Variants in RAB3GAP2 observed in about 807,000 individuals in gnomAD.
RAB3GAP2 encodes the protein RAB3 GTPase activating non-catalytic protein subunit 2.
A neutral mutation model predicts 185.3 loss-of-function variants in RAB3GAP2; 87 were observed. The ratio of observed to expected loss-of-function variants is 0.47; its 90% CI spans 0.39 to 0.56. The LOEUF (loss-of-function observed/expected upper bound fraction) is 0.56. Among genes scored for constraint, RAB3GAP2 ranks in the 20% least tolerant of loss-of-function variants. The probability of loss-of-function intolerance (pLI) is 0.00; values close to 1 mark genes in which losing one functional copy is unlikely to be tolerated. For synonymous variants in RAB3GAP2, 554 were observed against 576.1 expected (o/e 0.96, Z 0.55); for missense variants, 1,492 against 1,638.2 (o/e 0.91, Z 1.54).
At chr1:220,230,538 A>G (rs1040786271) in intron 2 of RAB3GAP2, among the ~76,000 whole-genome samples, 3 of 152,146 alleles carry the variant, frequency 2.0e-5, no homozygotes, top group African/African-American at 7.2e-5. Flanking sequence ...CCTGTTCTTA[A>G]TCTCCTCATG....
At chr1:220,220,861 C>T (rs190207749) in intron 2 of RAB3GAP2, among the ~76,000 whole-genome samples, 15 of 152,290 alleles carry the variant, frequency 9.8e-5, no homozygotes, top group Non-Finnish European at 1.8e-4. Flanking sequence ...TCCCCAGCCA[C>T]GTGGAAGTGT....
At chr1:220,201,593 G>A (rs1312554400) in intron 9 of RAB3GAP2, among the ~76,000 whole-genome samples, 1 of 151,988 alleles carries the variant, frequency 6.6e-6, no homozygotes, top group Non-Finnish European at 1.5e-5. Context: ...TCCACCTCCC[G>A]GGTTCAGGCA....
At chr1:220,153,870 C>A in intron 32 of RAB3GAP2, 98 bp downstream of exon 32, 3 of 1,528,400 alleles carry the variant, frequency 2.0e-6, no homozygotes, top group Non-Finnish European at 2.7e-6. Flanking sequence ...TCTGTCCTTG[C>A]GATAGAAAGT....
intron 32 of RAB3GAP2, 147 bp from the exon 33 acceptor site, chr1:220,153,553 C>T (rs1329225648): frequency 3.0e-6 from 2 of 675,080 alleles, no homozygotes; most frequent in African/African-American, 3.6e-5. Context: ...ATCATTTAAA[C>T]AACTAGCTCT....
At chr1:220,170,829 A>G (rs924277893) in intron 24 of RAB3GAP2, 63 bp downstream of exon 24, 1 of 1,360,672 alleles carries the variant, frequency 7.3e-7, no homozygotes, top group African/African-American at 1.4e-5. Context: ...CGTCATTTCT[A>G]TTAAAAGAAA....
intron 1 of RAB3GAP2, 78 bp downstream of exon 1, chr1:220,272,145 G>T: frequency 1.6e-6 from 2 of 1,232,410 alleles, no homozygotes; most frequent in Non-Finnish European, 2.3e-6. Flanking sequence ...GAGGCGCAGA[G>T]CGAGTAGGAG....
chr1:220,185,523 T>C (rs1271002160), intron 18 of RAB3GAP2, 128 bp downstream of exon 18: 1 of 661,052 alleles, frequency 1.5e-6, no homozygotes, highest in Non-Finnish European at 2.6e-6. Context: ...AGATTCTTAA[T>C]TTCTTATATC....
intron 2 of RAB3GAP2, among the ~76,000 whole-genome samples, chr1:220,225,073 A>T (rs569566048): frequency 6.6e-6 from 1 of 152,352 alleles, no homozygotes; most frequent in African/African-American, 2.4e-5. Flanking sequence ...TAAGGAGCGC[A>T]GATTTGAACT....
chr1:220,247,979 G>A (rs1056486902), intron 1 of RAB3GAP2, among the ~76,000 whole-genome samples: 1 of 151,668 alleles, frequency 6.6e-6, no homozygotes, highest in Admixed American at 6.6e-5. Context: ...AGAAGTAAAT[G>A]TAAACAAAAA....
rs947937067 is a variant in RAB3GAP2, at chr1:220,202,517, G to A, written c.713-143C>T. 7 of 845,824 alleles carry A rather than the reference G, an allele frequency of 8.3e-6. No homozygotes were observed. In the Admixed American group the frequency reaches 1.3e-4, roughly 16 times the overall value. 52.4% of individuals were successfully genotyped at this position (845,824 alleles called of 1,614,324 possible). A position where few individuals can be genotyped will look rare whatever the true frequency, so the allele number is the denominator to read the frequency against. ...GTAATGAAAACAAGGCATAAGGTGA[G>A]ATTTATTCACACCAAGACAATGCAC... On this transcript the variant is annotated intron_variant, in intron 8 of 34. Transcript: ENST00000358951.
intron 1 of RAB3GAP2, among the ~76,000 whole-genome samples, chr1:220,251,113 T>C (rs140793357): frequency 6.6e-6 from 1 of 152,338 alleles, no homozygotes; most frequent in East Asian, 1.9e-4. Context: ...GTTAACATGG[T>C]AAAAACAGCA....
chr1:220,150,981 TAA>T lies in RAB3GAP2; in HGVS notation c.*268_*269del, dbSNP rs1657741398. ...AGCAAAGTTTAACAATAAAGCTACTTAAGTGTTTGAATTAGAAATAAACAGTA... is the reference window on the plus strand; with the variant it reads ...AGCAAAGTTTAACAATAAAGCTACTTGTGTTTGAATTAGAAATAAACAGTA... On this transcript the variant is annotated 3_prime_UTR_variant, in exon 35 of 35. Transcript: ENST00000358951. 2 of 407,272 alleles carry T rather than the reference TAA, an allele frequency of 4.9e-6. No homozygotes were observed. The allele number at this position is 407,272 out of a possible 1,614,324, so 25.2% of individuals were successfully genotyped here. A position where few individuals can be genotyped will look rare whatever the true frequency, so the allele number is the denominator to read the frequency against.
At chr1:220,254,298 C>T (rs879094960) in intron 1 of RAB3GAP2, 39 of 1,613,290 alleles carry the variant, frequency 2.4e-5, no homozygotes, top group African/African-American at 6.7e-5. Flanking sequence ...CACAGTATGC[C>T]GAAATTCTTG....
At chr1:220,246,776 G>T (rs1281453885) in intron 1 of RAB3GAP2, among the ~76,000 whole-genome samples, 3 of 118,916 alleles carry the variant, frequency 2.5e-5, no homozygotes, top group Admixed American at 1.8e-4. Flanking sequence ...GTCGTGGGGT[G>T]GGGGGAGGGG....
chr1:220,243,693 C>T (rs1659742498), intron 1 of RAB3GAP2, among the ~76,000 whole-genome samples: 1 of 152,128 alleles, frequency 6.6e-6, no homozygotes, highest in Admixed American at 6.5e-5. Context: ...GTTTTGAGTC[C>T]ACTCACAGTC....
At chr1:220,265,318 C>T (rs1660210287) in intron 1 of RAB3GAP2, among the ~76,000 whole-genome samples, 1 of 151,908 alleles carries the variant, frequency 6.6e-6, no homozygotes, top group African/African-American at 2.4e-5. Context: ...ACATAATTCC[C>T]TACATGCTTT....
chr1:220,245,482 C>T (rs886950089), intron 1 of RAB3GAP2, among the ~76,000 whole-genome samples: 1 of 152,210 alleles, frequency 6.6e-6, no homozygotes, highest in African/African-American at 2.4e-5. Context: ...CGGCGCACCA[C>T]GAGATTATAT....
At chr1:220,239,188 CTT>C (rs956678504) in intron 1 of RAB3GAP2, among the ~76,000 whole-genome samples, 6 of 152,060 alleles carry the variant, frequency 3.9e-5, no homozygotes, top group African/African-American at 1.4e-4. Flanking sequence ...TATATACAGA[CTT>C]ATATTCAGGA....
intron 10 of RAB3GAP2, among the ~76,000 whole-genome samples, 163 bp from the exon 11 acceptor site, chr1:220,195,540 A>G (rs1368715168): frequency 6.6e-6 from 1 of 152,234 alleles, no homozygotes; most frequent in Non-Finnish European, 1.5e-5. Flanking sequence ...TAGGCGTAAT[A>G]TGAGAAAAAG....
Sources: gnomAD v4.1 joint callset for allele counts (sites outside exome capture counted in the v4.1 genomes callset) on GRCh38, gnomAD v4.1.1 for gene constraint, MANE v1.5 for transcripts, NCBI Gene and HGNC (gene_info 2026-07-23, HGNC 2026-07-21) for gene names.